The following VRK2 variants were observed in gnomAD, a reference collection of about 807,000 sequenced individuals.
The protein encoded by VRK2 is serine/threonine-protein kinase VRK2.
A neutral mutation model predicts 57.6 loss-of-function variants in VRK2; 60 were observed. The ratio of observed to expected loss-of-function variants is 1.04; its 90% confidence interval spans 0.85 to 1.29. The LOEUF (loss-of-function observed/expected upper bound fraction) is 1.29, where lower values mean the gene tolerates loss of function less well. Among genes scored for constraint, VRK2 ranks in the 50% most tolerant of loss-of-function variants. The pLI is 0.00. For missense variants in VRK2, 705 were observed against 588.1 expected, an observed-to-expected ratio of 1.20 and a Z score of -2.06; for synonymous variants, 231 against 199.2, an observed-to-expected ratio of 1.16 and a Z score of -1.35.
intron 11 of VRK2, among the ~76,000 whole-genome samples, chr2:58,141,452 A>AC (rs1303186180): frequency 6.6e-6 from 1 of 152,000 alleles, no homozygotes; most frequent in Non-Finnish European, 1.5e-5. Flanking sequence ...ATGAGCCTCC[A>AC]TCAAGAATAT....
chr2:58,035,584 C>T (rs997829679), intron 3 of VRK2, among the ~76,000 whole-genome samples: 1 of 152,044 alleles, frequency 6.6e-6, no homozygotes, highest in Non-Finnish European at 1.5e-5. Flanking sequence ...TCAGCACTGT[C>T]ATAAATACTT....
intron 1 of VRK2, among the ~76,000 whole-genome samples, chr2:58,023,764 A>T (rs998356729): frequency 3.3e-5 from 5 of 152,104 alleles, no homozygotes; most frequent in African/African-American, 1.2e-4. Flanking sequence ...GGCCTTTAAG[A>T]TATGTATGAA....
intron 12 of VRK2, among the ~76,000 whole-genome samples, chr2:58,155,337 T>A (rs1192063567): frequency 6.6e-6 from 1 of 152,152 alleles, no homozygotes; most frequent in African/African-American, 2.4e-5. Context: ...GGGTTGCTGT[T>A]GCTCTGATGT....
intron 1 of VRK2, among the ~76,000 whole-genome samples, chr2:57,924,760 G>C (rs1019365949): frequency 1.3e-5 from 2 of 152,002 alleles, no homozygotes; most frequent in African/African-American, 4.8e-5. Context: ...AGTGGTGCCA[G>C]TGACCATCCT....
In VRK2 at chr2:58,120,324, C is replaced by T. The variant is rs564496540; in HGVS notation, c.544-2777C>T. On this transcript the variant is annotated intron_variant, in intron 7 of 12. Transcript: ENST00000340157. Reference sequence around the variant, plus strand: ...TCCTGCCTCAGCTTCCTGAGTAGCTCGGATTACAAATGTGCACCACCATGC... The same window carrying T: ...TCCTGCCTCAGCTTCCTGAGTAGCTTGGATTACAAATGTGCACCACCATGC... 5.8e-4 allele frequency among the ~76,000 whole-genome samples: 87 copies of T among 150,840 alleles called. 1 individual carries two copies. The highest frequency in any genetic ancestry group is 1.9e-3 in the African/African-American group (80 of 41,104).
chr2:57,953,782 C>T (rs1179777363), intron 1 of VRK2, among the ~76,000 whole-genome samples: 2 of 151,998 alleles, frequency 1.3e-5, no homozygotes, highest in Non-Finnish European at 2.9e-5. Context: ...AAAAGTCCTT[C>T]GGACTCTATA....
intron 12 of VRK2, among the ~76,000 whole-genome samples, chr2:58,150,643 A>T (rs1220035159): frequency 5.7e-5 from 8 of 139,226 alleles, no homozygotes; most frequent in Non-Finnish European, 9.4e-5. Flanking sequence ...TTTCTGTTTC[A>T]CTAATTCTTT....
At chr2:57,929,206 C>A (rs1670639265) in intron 1 of VRK2, among the ~76,000 whole-genome samples, 1 of 152,202 alleles carries the variant, frequency 6.6e-6, no homozygotes, top group South Asian at 2.1e-4. Flanking sequence ...GACTTGGAGT[C>A]AAAAATCTCA....
At chr2:58,109,390 T>G (rs1675221942) in intron 7 of VRK2, among the ~76,000 whole-genome samples, 1 of 152,022 alleles carries the variant, frequency 6.6e-6, no homozygotes, top group African/African-American at 2.4e-5. Context: ...GTAAATTGCC[T>G]TGTGCTTAAA....
At chr2:58,053,708 A>G (rs568406649) in intron 2 of VRK2, among the ~76,000 whole-genome samples, 3 of 152,268 alleles carry the variant, frequency 2.0e-5, no homozygotes, top group South Asian at 4.1e-4. Context: ...TGGAATACAT[A>G]TTGCTTCATT....
chr2:58,018,729 C>T (rs1236956235), intron 1 of VRK2, among the ~76,000 whole-genome samples: 1 of 152,008 alleles, frequency 6.6e-6, no homozygotes, highest in East Asian at 1.9e-4. Flanking sequence ...TGGCTAAGAA[C>T]AAAACTCTGA....
chr2:58,105,563 A>C (rs901275915), intron 7 of VRK2, among the ~76,000 whole-genome samples: 4 of 151,786 alleles, frequency 2.6e-5, no homozygotes, highest in African/African-American at 9.7e-5. Flanking sequence ...TCTAAAACCC[A>C]GATGCATACA....
At chr2:57,979,310 T>G (rs539625291) in intron 1 of VRK2, among the ~76,000 whole-genome samples, 1 of 151,124 alleles carries the variant, frequency 6.6e-6, no homozygotes, top group Non-Finnish European at 1.5e-5. Flanking sequence ...TATTTCTCCA[T>G]AGCCTGGCCA....
At chr2:58,093,286 T>C (rs1325005010) in intron 7 of VRK2, among the ~76,000 whole-genome samples, 1 of 152,190 alleles carries the variant, frequency 6.6e-6, no homozygotes, top group Non-Finnish European at 1.5e-5. Context: ...ACCAACAGTG[T>C]AAAAGTGTTC....
At chr2:57,971,683 T>A (rs960841501) in intron 1 of VRK2, among the ~76,000 whole-genome samples, 2 of 151,920 alleles carry the variant, frequency 1.3e-5, no homozygotes, top group African/African-American at 4.8e-5. Context: ...TATCCATTTA[T>A]AATTAATGCC....
intron 1 of VRK2, among the ~76,000 whole-genome samples, chr2:57,984,235 T>A (rs4583450): frequency 0.99 from 150,306 of 152,230 alleles, 74,207 homozygotes; most frequent in Middle Eastern, 1. Context: ...ATAGTTTTTT[T>A]AAAGTGACAA....
chr2:57,998,177 C>G (rs988527879), intron 1 of VRK2, among the ~76,000 whole-genome samples: 1 of 152,064 alleles, frequency 6.6e-6, no homozygotes, highest in African/African-American at 2.4e-5. Flanking sequence ...TATTAAAAGC[C>G]TTTCTGCCCT....
At chr2:57,929,589 T>A (rs1670653652) in intron 1 of VRK2, among the ~76,000 whole-genome samples, 1 of 152,010 alleles carries the variant, frequency 6.6e-6, no homozygotes, top group African/African-American at 2.4e-5. Context: ...GAAGACAAAG[T>A]CCCCTTTACT....
chr2:57,994,751 GA>G (rs57690086), intron 1 of VRK2, among the ~76,000 whole-genome samples: 18,543 of 147,194 alleles, frequency 0.13, 1,207 homozygotes, highest in East Asian at 0.2. Context: ...AATTAAACCT[GA>G]AAAAAAAACA....
Sources: allele counts gnomAD v4.1 joint callset (sites outside exome capture counted in the v4.1 genomes callset), GRCh38; gene constraint gnomAD v4.1.1; transcripts MANE v1.5; gene names NCBI Gene and HGNC (gene_info 2026-07-23, HGNC 2026-07-21).